TEC: variants seen among roughly 807,000 people sequenced by gnomAD.
TEC encodes the protein tyrosine-protein kinase Tec.
Under a neutral mutation model 93.0 loss-of-function variants are expected in TEC, and 72 were observed. The observed-to-expected ratio is 0.77, with a 90% confidence interval of 0.64 to 0.94. TEC has a LOEUF of 0.94. Among genes scored for constraint, TEC ranks in the 40% least tolerant of loss-of-function variants. The pLI, the probability that TEC is intolerant of heterozygous loss-of-function variation, is 0.00. For missense variants in TEC, 630 were observed against 757.9 expected (o/e 0.83, Z 1.98); for synonymous variants, 249 against 247.7 (o/e 1.01, Z -0.05).
chr4:48,191,073 G>A (rs866102989), intron 2 of TEC, among the ~76,000 whole-genome samples: 1 of 152,198 alleles, frequency 6.6e-6, no homozygotes, highest in Non-Finnish European at 1.5e-5. Context: ...TTAAATGCCA[G>A]CTCTGTGGCC....
chr4:48,210,293 G>A (rs1368539438), intron 2 of TEC, among the ~76,000 whole-genome samples: 2 of 151,996 alleles, frequency 1.3e-5, no homozygotes, highest in African/African-American at 2.4e-5. Flanking sequence ...GACCAGCCTA[G>A]GCAACATAGC....
At chr4:48,218,431 G>T (rs1483535983) in intron 2 of TEC, among the ~76,000 whole-genome samples, 1 of 152,124 alleles carries the variant, frequency 6.6e-6, no homozygotes, top group Non-Finnish European at 1.5e-5. Context: ...CACCACACCT[G>T]CCAGAGTCAT....
At chr4:48,219,363 G>C (rs772439647) in intron 2 of TEC, among the ~76,000 whole-genome samples, 6 of 152,130 alleles carry the variant, frequency 3.9e-5, no homozygotes, top group Non-Finnish European at 7.4e-5. Context: ...GGAACATTCT[G>C]CTCCACCAGC....
At chr4:48,171,929 C>T (rs947310028) in intron 3 of TEC, among the ~76,000 whole-genome samples, 1 of 152,178 alleles carries the variant, frequency 6.6e-6, no homozygotes, top group African/African-American at 2.4e-5. Flanking sequence ...CATCAAGGTA[C>T]GAGTTTTTCT....
At chr4:48,230,226 A>C (rs899271166) in intron 1 of TEC, among the ~76,000 whole-genome samples, 4 of 152,080 alleles carry the variant, frequency 2.6e-5, no homozygotes, top group African/African-American at 9.7e-5. Flanking sequence ...TACCATCTTC[A>C]CACCCAATCC....
intron 2 of TEC, among the ~76,000 whole-genome samples, chr4:48,183,031 T>C (rs1417207486): frequency 6.6e-6 from 1 of 152,190 alleles, no homozygotes; most frequent in Non-Finnish European, 1.5e-5. Context: ...TTATTCCTGA[T>C]GTGGCTGTTC....
intron 8 of TEC, among the ~76,000 whole-genome samples, chr4:48,159,307 C>T (rs1232816465): frequency 6.6e-6 from 1 of 152,212 alleles, no homozygotes; most frequent in East Asian, 1.9e-4. Flanking sequence ...GCTGCTTCCA[C>T]TCACGTCCGA....
intron 1 of TEC, among the ~76,000 whole-genome samples, chr4:48,268,969 A>G (rs1159986440): frequency 1.3e-5 from 2 of 152,188 alleles, no homozygotes; most frequent in Non-Finnish European, 2.9e-5. Context: ...AATAAAATCC[A>G]CAAGAAATTT....
chr4:48,245,372 G>T (rs562830450), intron 1 of TEC, among the ~76,000 whole-genome samples: 93 of 151,196 alleles, frequency 6.2e-4, no homozygotes, highest in Non-Finnish European at 1.2e-3. Context: ...TTTTCCAAAT[G>T]TCATCCAAAA....
Position 48,145,585 on chromosome 4 carries a change from G to C in TEC, c.1082-6C>G. The C allele has an allele frequency of 7.4e-6, 12 of 1,613,048 alleles. No individual in the cohort carries two copies. Among genetic ancestry groups the C allele is most frequent in the Non-Finnish European group, 1.0e-5 (12 of 1,179,476 alleles). ...AGGGTTAATCTCCCATTTCTCTGCAGGACAGAAAGTGAAAGTGTTCATATT... is the reference window on the plus strand; with the variant it reads ...AGGGTTAATCTCCCATTTCTCTGCACGACAGAAAGTGAAAGTGTTCATATT... On this transcript the variant is annotated splice_region_variant and splice_polypyrimidine_tract_variant and intron_variant, in intron 12 of 17. Coordinates refer to ENST00000381501, the MANE Select transcript of TEC (RefSeq NM_003215.3).
chr4:48,186,005 G>T (rs979997133), intron 2 of TEC, among the ~76,000 whole-genome samples: 17 of 152,186 alleles, frequency 1.1e-4, no homozygotes, highest in Non-Finnish European at 5.9e-5. Context: ...TTGCAGGCGC[G>T]CGCCGCCACA....
chr4:48,196,782 A>G (rs1338758310), intron 2 of TEC, among the ~76,000 whole-genome samples: 1 of 152,156 alleles, frequency 6.6e-6, no homozygotes, highest in East Asian at 1.9e-4. Flanking sequence ...ACCAACATCC[A>G]CTCTTTTCAA....
At chr4:48,144,745 C>T (rs745976311) in intron 14 of TEC, among the ~76,000 whole-genome samples, 5 of 152,252 alleles carry the variant, frequency 3.3e-5, no homozygotes, top group South Asian at 2.1e-4. Context: ...TCACAGTAGG[C>T]GAGCCTTTTG....
chr4:48,226,611 T>C (rs1412434344), intron 2 of TEC, among the ~76,000 whole-genome samples: 1 of 147,242 alleles, frequency 6.8e-6, no homozygotes, highest in Non-Finnish European at 1.5e-5. Context: ...AAGAATACAG[T>C]ATGTTATATA....
intron 1 of TEC, among the ~76,000 whole-genome samples, chr4:48,244,736 C>T (rs1724009496): frequency 1.3e-5 from 2 of 152,214 alleles, no homozygotes; most frequent in Non-Finnish European, 2.9e-5. Flanking sequence ...CTTCCCCAAG[C>T]TCACACTTCT....
At chr4:48,263,483 G>A (rs1291058595) in intron 1 of TEC, among the ~76,000 whole-genome samples, 1 of 152,176 alleles carries the variant, frequency 6.6e-6, no homozygotes, top group Non-Finnish European at 1.5e-5. Flanking sequence ...GGAGGCCAAG[G>A]CAGGCAGATC....
intron 1 of TEC, among the ~76,000 whole-genome samples, chr4:48,232,162 G>A (rs7663382): frequency 0.14 from 21,310 of 151,946 alleles, 1,898 homozygotes; most frequent in Non-Finnish European, 0.2. Context: ...GGTGGCGGGT[G>A]CCTGTAGTCC....
chr4:48,233,610 C>T (rs1211342581), intron 1 of TEC, among the ~76,000 whole-genome samples: 1 of 148,902 alleles, frequency 6.7e-6, no homozygotes, highest in Non-Finnish European at 1.5e-5. Context: ...TTGGAAGAAA[C>T]AAAAGTTGTA....
At chr4:48,224,075 T>C (rs1455354565) in intron 2 of TEC, among the ~76,000 whole-genome samples, 1 of 152,174 alleles carries the variant, frequency 6.6e-6, no homozygotes, top group African/African-American at 2.4e-5. Context: ...ATAAATCTAG[T>C]TGTGAGTATG....
Sources: gnomAD v4.1 joint callset for allele counts (sites outside exome capture counted in the v4.1 genomes callset) on GRCh38, gnomAD v4.1.1 for gene constraint, MANE v1.5 for transcripts, NCBI Gene and HGNC (gene_info 2026-07-23, HGNC 2026-07-21) for gene names.